The following GPR180 variants were observed in gnomAD, a reference collection of about 807,000 sequenced individuals.
The protein encoded by GPR180 is G protein-coupled receptor 180, also known as integral membrane protein GPR180.
GPR180 carries 53 observed loss-of-function variants against 52.6 expected under a neutral mutation model. The ratio of observed to expected loss-of-function variants is 1.01; its 90% CI spans 0.81 to 1.27. GPR180 has a LOEUF of 1.27. Among genes scored for constraint, GPR180 ranks in the 50% most tolerant of loss-of-function variants. The pLI is 0.00. For missense variants in GPR180, 533 were observed against 527.0 expected, an observed-to-expected ratio of 1.01 and a Z score of -0.11; for synonymous variants, 200 against 193.1, an observed-to-expected ratio of 1.04 and a Z score of -0.30.
In GPR180 at chr13:94,621,169, C is replaced by T. The variant is rs149521715; in HGVS notation, c.828C>T (p.Ser276=). ...TAGTCAGAATGAAGAAGTCTCAAAG[C>T]AGACCTCTCCAGTGGGATTCTACGC... ...WTIVRMKKSQ[S]RPLQWDSTPA... The change falls in exon 6 of 9, where the codon AGC becomes AGT. Residue 276 remains serine, a synonymous_variant. Coordinates refer to ENST00000376958, the MANE Select transcript of GPR180 (RefSeq NM_180989.6). 5.6e-6 allele frequency: 9 copies of T among 1,611,682 alleles called. No individual in the cohort carries two copies. Among genetic ancestry groups the T allele is most frequent in the African/African-American group, 1.3e-5 (1 of 74,852 alleles).
rs1195311479 is a variant in GPR180, at chr13:94,628,004, T to C, written c.*833T>C. 1 of 152,454 alleles carries C rather than the reference T, an allele frequency of 6.6e-6. No homozygotes were observed. Among genetic ancestry groups the C allele is most frequent in the African/African-American group, 2.4e-5 (1 of 41,424 alleles). The allele number at this position is 152,454 out of a possible 1,614,324, so 9.4% of individuals were successfully genotyped here. A position where few individuals can be genotyped will look rare whatever the true frequency, so the allele number is the denominator to read the frequency against. ...CATTTCTCTTACGTTGAATCCCCAA[T>C]CATAATTAAGCCGTATACACAGATT... is the stretch of plus-strand genomic sequence containing the variant. On this transcript the variant is annotated 3_prime_UTR_variant, in exon 9 of 9. Coordinates refer to ENST00000376958, the MANE Select transcript of GPR180 (RefSeq NM_180989.6).
chr13:94,603,393 G>T (rs1200101347), intron 1 of GPR180, among the ~76,000 whole-genome samples: 1 of 152,140 alleles, frequency 6.6e-6, no homozygotes, highest in African/African-American at 2.4e-5. Context: ...TGATCATCTG[G>T]TAAACGTGGA....
chr13:94,618,712 A>AC (rs951275026), intron 3 of GPR180, among the ~76,000 whole-genome samples: 1 of 152,106 alleles, frequency 6.6e-6, no homozygotes, highest in Non-Finnish European at 1.5e-5. Flanking sequence ...GGGCAAGAGA[A>AC]CACACTTTGA....
At position 94,631,960 on chromosome 13, in the gene GPR180, T is replaced by A. The variant is rs980219784; in HGVS notation, c.*4789T>A. 5.3e-5 allele frequency: 8 copies of A among 152,166 alleles called. No homozygotes were observed. The highest frequency in any genetic ancestry group is 8.8e-5 in the Non-Finnish European group (6 of 68,060). The allele number at this position is 152,166 out of a possible 1,614,324, so 9.4% of individuals were successfully genotyped here. On this transcript the variant is annotated 3_prime_UTR_variant, in exon 9 of 9. Coordinates refer to ENST00000376958, the MANE Select transcript of GPR180 (RefSeq NM_180989.6). ...TTTAAAAGAGAAGTTTCTAGTCAGC[T>A]AGAGGAGGGAATGTTGACAGTAGTC...
intron 2 of GPR180, among the ~76,000 whole-genome samples, chr13:94,606,419 A>G (rs1388180487): frequency 6.6e-6 from 1 of 152,250 alleles, no homozygotes; most frequent in Non-Finnish European, 1.5e-5. Context: ...ATTCATTCTC[A>G]TCAACATTGT....
chr13:94,620,321 T>C (rs1889835800), intron 5 of GPR180, among the ~76,000 whole-genome samples: 1 of 152,228 alleles, frequency 6.6e-6, no homozygotes, highest in Non-Finnish European at 1.5e-5. Context: ...AGTGATAAGT[T>C]TTCTTAAAAA....
intron 1 of GPR180, among the ~76,000 whole-genome samples, chr13:94,605,010 T>G (rs1889611394): frequency 6.6e-6 from 1 of 152,220 alleles, no homozygotes; most frequent in South Asian, 2.1e-4. Context: ...AATTAAATAT[T>G]AACACCTATG....
intron 1 of GPR180, among the ~76,000 whole-genome samples, chr13:94,602,569 A>C (rs1889574208): frequency 6.6e-6 from 1 of 150,614 alleles, no homozygotes; most frequent in Non-Finnish European, 1.5e-5. Flanking sequence ...ACACTTGATA[A>C]TGTAGTTGTT....
At chr13:94,626,715 T>C (rs1394987351) in intron 8 of GPR180, among the ~76,000 whole-genome samples, 1 of 152,132 alleles carries the variant, frequency 6.6e-6, no homozygotes, top group Non-Finnish European at 1.5e-5. Flanking sequence ...GAACCTGATT[T>C]TTCTTATTTA....
Position 94,629,704 on chromosome 13 carries a change from A to G in GPR180, c.*2533A>G, listed in dbSNP as rs909025053. The G allele has an allele frequency of 5.9e-5, 9 of 152,206 alleles. No individual in the cohort carries two copies. The highest frequency in any genetic ancestry group is 2.2e-4 in the African/African-American group (9 of 41,452). The allele number at this position is 152,206 out of a possible 1,614,324, so 9.4% of individuals were successfully genotyped here. A position where few individuals can be genotyped will look rare whatever the true frequency, so the allele number is the denominator to read the frequency against. ...TGCTAAAATCAGAACATGCGCTTGA[A>G]TATCTGTAAGACCTCAGCACACTTC... is the stretch of plus-strand genomic sequence containing the variant. On this transcript the variant is annotated 3_prime_UTR_variant, in exon 9 of 9. Transcript: ENST00000376958.
chr13:94,621,683 G>A (rs1889853542), intron 6 of GPR180, among the ~76,000 whole-genome samples: 1 of 152,110 alleles, frequency 6.6e-6, no homozygotes, highest in East Asian at 1.9e-4. Flanking sequence ...AAGAATTCAG[G>A]TGATTATCTA....
intron 6 of GPR180, 38 bp from the exon 7 acceptor site, chr13:94,623,069 ATT>A: frequency 7.0e-7 from 1 of 1,432,582 alleles, no homozygotes; most frequent in Non-Finnish European, 9.6e-7. Context: ...AATGAGGTAT[ATT>A]TTTTTTTCCT....
chr13:94,627,394 G>A lies in GPR180; in HGVS notation c.*223G>A. The A allele has an allele frequency of 2.2e-6, 1 of 450,626 alleles. No homozygotes were observed. The highest frequency in any genetic ancestry group is 3.8e-6 in the Non-Finnish European group (1 of 259,784). 27.9% of individuals were successfully genotyped at this position (450,626 alleles called of 1,614,324 possible). On this transcript the variant is annotated 3_prime_UTR_variant, in exon 9 of 9. Coordinates refer to ENST00000376958, the MANE Select transcript of GPR180 (RefSeq NM_180989.6). ...AACAACAAACTTTGAAGAAAGTGTTGTTATAAAATTATTGAAGCGATTTCT... is the reference window on the plus strand; with the variant it reads ...AACAACAAACTTTGAAGAAAGTGTTATTATAAAATTATTGAAGCGATTTCT...
At position 94,627,071 on chromosome 13, in the gene GPR180, T is replaced by C; in HGVS notation, c.1223T>C (p.Leu408Pro). Reference protein sequence around the residue: ...QSVSMVILYRLFLSHSLYWEV... With the variant: ...QSVSMVILYRPFLSHSLYWEV... ...GTTTCCATGGTTATTCTCTACAGAC[T>C]CTTTCTGTCTCACAGTCTATACTGG... The change falls in exon 9 of 9, where the codon CTC becomes CCC. Residue 408 changes from leucine to proline, a missense_variant. Physicochemically the swap from Leu to Pro is moderately conservative, Grantham distance 98. Transcript: ENST00000376958. 1 of 1,611,934 alleles carries C rather than the reference T, an allele frequency of 6.2e-7. No individual in the cohort carries two copies. The highest frequency in any genetic ancestry group is 8.5e-7 in the Non-Finnish European group (1 of 1,178,336).
At chr13:94,625,727 G>A (rs188642121) in intron 7 of GPR180, among the ~76,000 whole-genome samples, 17 of 152,116 alleles carry the variant, frequency 1.1e-4, no homozygotes, top group Admixed American at 1.1e-3. Flanking sequence ...ATCAAAATGT[G>A]TATGCAACAG....
At chr13:94,614,528 T>G (rs1194124207) in intron 3 of GPR180, among the ~76,000 whole-genome samples, 1 of 152,240 alleles carries the variant, frequency 6.6e-6, no homozygotes, top group Non-Finnish European at 1.5e-5. Context: ...GTGCCATGCT[T>G]GGACCTCTGA....
intron 5 of GPR180, 147 bp from the exon 6 acceptor site, chr13:94,620,931 A>C (rs1029252240): frequency 1.1e-5 from 7 of 636,082 alleles, no homozygotes; most frequent in Non-Finnish European, 1.8e-5. Flanking sequence ...ACCTGCGAAT[A>C]TCTCTTAATG....
intron 7 of GPR180, 82 bp downstream of exon 7, chr13:94,623,382 G>C: frequency 9.1e-7 from 1 of 1,104,124 alleles, no homozygotes; most frequent in South Asian, 1.4e-5. Context: ...ACAACTACAT[G>C]CTAACTTTTA....
rs1890038193 is a variant in GPR180 at position 94,634,362 on chromosome 13, C to A, written c.*7191C>A. 1 of 151,974 alleles carries A rather than the reference C, an allele frequency of 6.6e-6. No individual in the cohort carries two copies. Among genetic ancestry groups the A allele is most frequent in the Admixed American group, 6.6e-5 (1 of 15,256 alleles). The allele number at this position is 151,974 out of a possible 1,614,324, so 9.4% of individuals were successfully genotyped here. On this transcript the variant is annotated 3_prime_UTR_variant, in exon 9 of 9. Transcript: ENST00000376958. ...TGATCCAAGAAACTAGTACGAAATG[C>A]CTTTCTGATTTTTTAAAACTTGTAT...
Sources: allele counts gnomAD v4.1 joint callset (sites outside exome capture counted in the v4.1 genomes callset), GRCh38; gene constraint gnomAD v4.1.1; transcripts MANE v1.5; gene names NCBI Gene and HGNC (gene_info 2026-07-23, HGNC 2026-07-21).